The following GPR158 variants were observed in gnomAD, a reference collection of about 807,000 sequenced individuals.
GPR158 encodes the protein metabotropic glycine receptor.
Under a neutral mutation model 78.2 loss-of-function variants are expected in GPR158, and 30 were observed. That is an observed-to-expected ratio of 0.38 (90% CI 0.29 to 0.52). The LOEUF is 0.52. GPR158 is among the 20% of genes least tolerant of loss of function. GPR158 has a pLI of 0.83. For missense variants in GPR158, 1,463 were observed against 1,523.5 expected (o/e 0.96, Z 0.66); for synonymous variants, 581 against 591.1 (o/e 0.98, Z 0.25).
rs964600269 is a variant in GPR158, at chr10:25,327,936, G to A, written c.1009-67975G>A. 4.6e-5 allele frequency among the ~76,000 whole-genome samples: 7 copies of A among 152,224 alleles called. No individual in the cohort carries two copies. In the East Asian group the frequency reaches 5.8e-4, roughly 13 times the overall value. On this transcript the variant is annotated intron_variant, in intron 2 of 10. Coordinates refer to ENST00000376351, the MANE Select transcript of GPR158 (RefSeq NM_020752.3). The stretch of plus-strand genomic sequence containing the variant: ...ATAGAAAATCTATTTGTAGACATTC[G>A]TTATTGACCCTATTCCTCTAGCTTA...
chr10:25,382,424 GT>G (rs5783927), intron 2 of GPR158, among the ~76,000 whole-genome samples: 94,344 of 151,874 alleles, frequency 0.62, 30,864 homozygotes, highest in Non-Finnish European at 0.75. Flanking sequence ...TAATAGAAAA[GT>G]TTCTTTTTTA....
intron 2 of GPR158, among the ~76,000 whole-genome samples, chr10:25,348,849 G>A (rs1855413864): frequency 1.3e-5 from 2 of 152,020 alleles, no homozygotes; most frequent in Non-Finnish European, 2.9e-5. Flanking sequence ...TTGCTTTGAA[G>A]ATTCACTCTA....
In GPR158 at chr10:25,175,769, A is replaced by C. The variant is rs1376410629; in HGVS notation, c.349A>C (p.Ser117Arg). Residue 117 changes from serine (S) to arginine (R), a missense_variant, in exon 1 of 11, where the codon AGC (serine) becomes CGC (arginine). By Grantham distance (110) the Ser-to-Arg change is moderately radical. Coordinates refer to ENST00000376351, the MANE Select transcript of GPR158 (RefSeq NM_020752.3). The surrounding 1 kb of genome is among the most constrained non-coding windows in gnomAD (Gnocchi z 6.4). ...GLPGKWPALA[S>R]AHPSLHRALD... is the part of the protein sequence containing the mutation. ...GCCGGGGAAGTGGCCAGCCCTGGCC[A>C]GCGCGCACCCCTCCTTGCACCGGGC... is the stretch of plus-strand genomic sequence containing the variant. 2 of 1,611,234 alleles carry C rather than the reference A, an allele frequency of 1.2e-6. No homozygotes were observed. Among genetic ancestry groups the C allele is most frequent in the Admixed American group, 3.3e-5 (2 of 60,012 alleles).
chr10:25,212,074 A>T (rs1853139152), intron 1 of GPR158, among the ~76,000 whole-genome samples: 1 of 152,146 alleles, frequency 6.6e-6, no homozygotes, highest in African/African-American at 2.4e-5. Flanking sequence ...TTATACTTTC[A>T]TTTGATGAGA....
At chr10:25,180,537 C>T (rs183039703) in intron 1 of GPR158, among the ~76,000 whole-genome samples, 76 of 152,252 alleles carry the variant, frequency 5.0e-4, no homozygotes, top group African/African-American at 1.7e-3. Flanking sequence ...CAGTGATATA[C>T]ACTTACTCTT....
chr10:25,454,444 T>A (rs1032787784), intron 4 of GPR158, among the ~76,000 whole-genome samples: 7 of 152,202 alleles, frequency 4.6e-5, no homozygotes, highest in African/African-American at 1.7e-4. Context: ...TTGAAAGTTA[T>A]GGATTAGGAG....
rs564788426 is a variant in GPR158, at chr10:25,204,296, T to C, written c.903-16756T>C. On this transcript the variant is annotated intron_variant, in intron 1 of 10. Transcript: ENST00000376351. The stretch of plus-strand genomic sequence containing the variant: ...CCAGAACTTCTAACACTACGTTGAA[T>C]AGGAGTGTTGAGAGAAAGCATCCCT... Among the ~76,000 whole-genome samples the C allele has an allele frequency of 6.6e-5, 10 of 152,330 alleles. No homozygotes were observed. In the South Asian group the frequency reaches 2.1e-3, roughly 32 times the overall value.
rs74952100 is a variant in GPR158 at position 25,548,079 on chromosome 10, G to A, written c.1405-2897G>A. Among the ~76,000 whole-genome samples, 1,314 of 152,116 alleles carry A rather than the reference G, an allele frequency of 8.6e-3. 19 individuals are homozygous for A. The highest frequency in any genetic ancestry group is 0.03 in the African/African-American group (1,250 of 41,512). On this transcript the variant is annotated intron_variant, in intron 5 of 10. Transcript: ENST00000376351. The stretch of plus-strand genomic sequence containing the variant: ...CAATTAGGATACTAATGATTAGGAA[G>A]CCCTAATCAGTTTTCAAATCATTTA...
intron 5 of GPR158, among the ~76,000 whole-genome samples, chr10:25,487,050 C>T (rs1342823097): frequency 6.6e-6 from 1 of 151,962 alleles, no homozygotes; most frequent in Admixed American, 6.6e-5. Flanking sequence ...TCTTTTATCC[C>T]CCTTTTAAAT....
chr10:25,548,117 C>A (rs941066975), intron 5 of GPR158, among the ~76,000 whole-genome samples: 1 of 151,988 alleles, frequency 6.6e-6, no homozygotes, highest in Non-Finnish European at 1.5e-5. Flanking sequence ...TTGAAGGTAA[C>A]ATTTTCCTTT....
At chr10:25,472,297 G>C (rs566768020) in intron 5 of GPR158, among the ~76,000 whole-genome samples, 3 of 151,626 alleles carry the variant, frequency 2.0e-5, no homozygotes, top group East Asian at 3.9e-4. Context: ...ATTTCTGAGG[G>C]CTCTGTTCTG....
At chr10:25,266,245 A>G (rs1428445196) in intron 2 of GPR158, among the ~76,000 whole-genome samples, 1 of 152,132 alleles carries the variant, frequency 6.6e-6, no homozygotes, top group East Asian at 1.9e-4. Context: ...TCTGAAATTT[A>G]CATGTTTAAG....
intron 3 of GPR158, among the ~76,000 whole-genome samples, chr10:25,397,007 T>C (rs1834369840): frequency 6.6e-6 from 1 of 152,148 alleles, no homozygotes; most frequent in South Asian, 2.1e-4. Context: ...ACAACATGGC[T>C]GATTCCTTTT....
chr10:25,539,714 A>G (rs1317462741), intron 5 of GPR158, among the ~76,000 whole-genome samples: 1 of 152,112 alleles, frequency 6.6e-6, no homozygotes, highest in Non-Finnish European at 1.5e-5. Flanking sequence ...GGAGCCAAAT[A>G]TTAAGTTCTA....
At chr10:25,536,036 A>G (rs1836495978) in intron 5 of GPR158, among the ~76,000 whole-genome samples, 1 of 152,182 alleles carries the variant, frequency 6.6e-6, no homozygotes, top group African/African-American at 2.4e-5. Flanking sequence ...AATTTGTCCC[A>G]GGTTATATTT....
At chr10:25,505,310 A>G (rs1022263083) in intron 5 of GPR158, among the ~76,000 whole-genome samples, 2 of 152,208 alleles carry the variant, frequency 1.3e-5, no homozygotes, top group Non-Finnish European at 2.9e-5. Context: ...ACAGAATTCT[A>G]AGACTGTAGA....
intron 1 of GPR158, among the ~76,000 whole-genome samples, chr10:25,178,768 G>A (rs1805955357): frequency 6.6e-6 from 1 of 152,164 alleles, no homozygotes; most frequent in African/African-American, 2.4e-5. Flanking sequence ...GTAGAAACCA[G>A]AAGAAAATCT....
At chr10:25,365,049 T>A (rs1319834902) in intron 2 of GPR158, among the ~76,000 whole-genome samples, 1 of 151,176 alleles carries the variant, frequency 6.6e-6, no homozygotes, top group Non-Finnish European at 1.5e-5. Context: ...AAAACATTTT[T>A]GTATGTTAAA....
chr10:25,552,812 C>G (rs141442203), intron 6 of GPR158, among the ~76,000 whole-genome samples: 1 of 152,144 alleles, frequency 6.6e-6, no homozygotes, highest in African/African-American at 2.4e-5. Context: ...CTGTGGTCTG[C>G]GAGAGTATGT....
Sources: gnomAD v4.1 joint callset for allele counts (sites outside exome capture counted in the v4.1 genomes callset) on GRCh38, gnomAD v4.1.1 for gene constraint, Gnocchi (gnomAD v3.1) non-coding constraint, MANE v1.5 for transcripts, NCBI Gene and HGNC (gene_info 2026-07-23, HGNC 2026-07-21) for gene names.